Variants in LINGO2 observed in about 807,000 individuals in gnomAD.
The protein encoded by LINGO2 is leucine rich repeat and Ig domain containing 2.
In LINGO2, 14 loss-of-function variants were observed where a neutral mutation model predicts 30.6. The ratio of observed to expected loss-of-function variants is 0.46; its 90% CI spans 0.30 to 0.72. The LOEUF (loss-of-function observed/expected upper bound fraction) is 0.72. LINGO2 is among the 30% of genes least tolerant of loss of function. The probability of loss-of-function intolerance (pLI) is 0.07; values close to 1 mark genes in which losing one functional copy is unlikely to be tolerated. For missense variants in LINGO2, 729 were observed against 751.7 expected, an observed-to-expected ratio of 0.97 and a Z score of 0.35; for synonymous variants, 317 against 288.5, an observed-to-expected ratio of 1.10 and a Z score of -1.00.
intron 2 of LINGO2, among the ~76,000 whole-genome samples, chr9:28,443,871 G>C (rs749768344): frequency 6.6e-6 from 1 of 152,132 alleles, no homozygotes; most frequent in Admixed American, 6.5e-5. Flanking sequence ...TTCAAGCCAG[G>C]GACAATCTGA....
intron 3 of LINGO2, among the ~76,000 whole-genome samples, chr9:28,319,051 G>A (rs762790651): frequency 3.0e-4 from 45 of 152,120 alleles, no homozygotes; most frequent in Non-Finnish European, 5.3e-4. Flanking sequence ...ACTCTTTATA[G>A]TCAGTGACAA....
intron 4 of LINGO2, among the ~76,000 whole-genome samples, chr9:28,164,985 A>G (rs1828387148): frequency 6.6e-6 from 1 of 152,232 alleles, no homozygotes; most frequent in Non-Finnish European, 1.5e-5. Flanking sequence ...CCTTTGGGCA[A>G]GTTTTTCTTT....
the LINGO2 span, among the ~76,000 whole-genome samples, chr9:28,734,531 A>T: frequency 6.6e-6 from 1 of 152,192 alleles, no homozygotes; most frequent in Non-Finnish European, 1.5e-5. Context: ...TGAAGCACAG[A>T]GTGTTACGTA....
intron 4 of LINGO2, among the ~76,000 whole-genome samples, chr9:28,015,176 T>C (rs1363498448): frequency 1.3e-5 from 2 of 152,146 alleles, no homozygotes; most frequent in Admixed American, 1.3e-4. Context: ...AATATATTAG[T>C]GGGAAGTAAT....
At chr9:29,028,092 G>A in the LINGO2 span, among the ~76,000 whole-genome samples, 1 of 152,092 alleles carries the variant, frequency 6.6e-6, no homozygotes, top group African/African-American at 2.4e-5. Flanking sequence ...TAAATACCCA[G>A]AAAGGCCTTC....
At chr9:28,510,968 C>A (rs1199740722) in intron 1 of LINGO2, among the ~76,000 whole-genome samples, 2 of 151,844 alleles carry the variant, frequency 1.3e-5, no homozygotes, top group Admixed American at 6.6e-5. Context: ...TGGGTGTAGG[C>A]CAGTCTCTCT....
At chr9:28,141,304 G>A (rs1423761563) in intron 4 of LINGO2, among the ~76,000 whole-genome samples, 2 of 152,178 alleles carry the variant, frequency 1.3e-5, no homozygotes, top group Admixed American at 1.3e-4. Flanking sequence ...GGGCAGAATT[G>A]CCAGCCACAG....
At position 28,050,318 on chromosome 9, in the gene LINGO2, C is replaced by G. The variant is rs1374687084; in HGVS notation, c.-86-37913G>C. Among the ~76,000 whole-genome samples, 4 of 150,552 alleles carry G rather than the reference C, an allele frequency of 2.7e-5. No individual in the cohort carries two copies. The South Asian group carries it at 8.5e-4, about 32-fold the overall frequency. ...CTCACATGCTGGTAGGGAAGACAAC[C>G]AAAGAAATAAAATACACTTTGGTTA... On this transcript the variant is annotated intron_variant, in intron 4 of 5. Coordinates refer to ENST00000379992, the Ensembl canonical transcript of LINGO2.
the LINGO2 span, among the ~76,000 whole-genome samples, chr9:28,698,587 A>G: frequency 6.6e-6 from 1 of 152,000 alleles, no homozygotes; most frequent in Non-Finnish European, 1.5e-5. Flanking sequence ...AAAATTATTG[A>G]CTAGCTCTAC....
rs1158049972 is a variant in LINGO2 at position 28,593,072 on chromosome 9, G to T, written c.-365+77128C>A. ...TTAACAAATACTAATTACATTTCCT[G>T]CTTTAGGTGTGAACTCTGCTTCTCC... On this transcript the variant is annotated intron_variant, in intron 1 of 5. Transcript: ENST00000379992. Among the ~76,000 whole-genome samples, 4 of 152,050 alleles carry T rather than the reference G, an allele frequency of 2.6e-5. 1 individual carries two copies. The highest frequency in any genetic ancestry group is 5.9e-5 in the Non-Finnish European group (4 of 67,998).
the LINGO2 span, among the ~76,000 whole-genome samples, chr9:28,994,132 C>T: frequency 6.6e-6 from 1 of 151,832 alleles, no homozygotes; most frequent in African/African-American, 2.4e-5. Context: ...TTGTCTCAGC[C>T]CAAAATCTCC....
the LINGO2 span, among the ~76,000 whole-genome samples, chr9:28,873,503 A>G: frequency 6.6e-6 from 1 of 152,180 alleles, no homozygotes. Context: ...CTGGAACCCA[A>G]AATTTAGAAG....
intron 1 of LINGO2, among the ~76,000 whole-genome samples, chr9:28,596,874 C>T (rs981646333): frequency 6.6e-6 from 1 of 152,120 alleles, no homozygotes; most frequent in African/African-American, 2.4e-5. Flanking sequence ...GGGGACTGAG[C>T]ATGCCTGTCT....
chr9:28,934,041 T>C, the LINGO2 span, among the ~76,000 whole-genome samples: 4,112 of 152,240 alleles, frequency 0.027, 82 homozygotes, highest in Middle Eastern at 0.044. Context: ...GGTATAGGGG[T>C]GAGGACTGGT....
At chr9:28,274,103 T>A (rs567912357) in intron 4 of LINGO2, among the ~76,000 whole-genome samples, 2 of 152,302 alleles carry the variant, frequency 1.3e-5, no homozygotes, top group South Asian at 4.2e-4. Context: ...TTACTGTAGA[T>A]GATGACATCT....
At chr9:29,173,277 A>G in the LINGO2 span, among the ~76,000 whole-genome samples, 1 of 152,078 alleles carries the variant, frequency 6.6e-6, no homozygotes, top group Admixed American at 6.6e-5. Flanking sequence ...TATCACCTCT[A>G]ATGCTGTAGT....
At position 28,146,103 on chromosome 9, in the gene LINGO2, G is replaced by C. The variant is rs1587078871; in HGVS notation, c.-86-133698C>G. 2.0e-5 allele frequency among the ~76,000 whole-genome samples: 3 copies of C among 152,298 alleles called. No individual in the cohort carries two copies. The East Asian group carries it at 5.8e-4, about 29-fold the overall frequency. On this transcript the variant is annotated intron_variant, in intron 4 of 5. Transcript: ENST00000379992. ...AGAAAGTATTTTCCCACTCAGCCTT[G>C]TGTGATGTCATTCACAGCAGAAGCA...
At chr9:28,195,920 T>C (rs1304742572) in intron 4 of LINGO2, among the ~76,000 whole-genome samples, 1 of 151,666 alleles carries the variant, frequency 6.6e-6, no homozygotes, top group East Asian at 1.9e-4. Flanking sequence ...ATCAAATTAG[T>C]CAGCACTATA....
chr9:28,460,033 A>T (rs1825015767), intron 2 of LINGO2, among the ~76,000 whole-genome samples: 1 of 152,114 alleles, frequency 6.6e-6, no homozygotes, highest in Non-Finnish European at 1.5e-5. Flanking sequence ...TGTCTGATGA[A>T]TTTACTTCTG....
Sources: gnomAD v4.1 joint callset for allele counts (sites outside exome capture counted in the v4.1 genomes callset) on GRCh38, gnomAD v4.1.1 for gene constraint, MANE v1.5 for transcripts, NCBI Gene and HGNC (gene_info 2026-07-23, HGNC 2026-07-21) for gene names.